The following EPB41L3 variants were observed in gnomAD, a reference collection of about 807,000 sequenced individuals.
EPB41L3 encodes band 4.1-like protein 3.
A neutral mutation model predicts 127.1 loss-of-function variants in EPB41L3; 57 were observed. The ratio of observed to expected loss-of-function variants is 0.45; its 90% CI spans 0.36 to 0.56. EPB41L3 has a LOEUF of 0.56. EPB41L3 is among the 20% of genes least tolerant of loss of function. The probability of loss-of-function intolerance (pLI) is 0.00; values close to 1 mark genes in which losing one functional copy is unlikely to be tolerated. For synonymous variants in EPB41L3, 572 were observed against 549.5 expected (o/e 1.04, Z -0.57); for missense variants, 1,273 against 1,372.2 (o/e 0.93, Z 1.14).
chr18:5,398,890 T>G, intron 16 of EPB41L3: 1 of 399,212 alleles, frequency 2.5e-6, no homozygotes, highest in Non-Finnish European at 4.4e-6. Context: ...TCTTCAGGAC[T>G]CTGCCGGCGA....
intron 13 of EPB41L3, among the ~76,000 whole-genome samples, chr18:5,411,395 G>A (rs975944743): frequency 1.3e-5 from 2 of 152,176 alleles, no homozygotes; most frequent in African/African-American, 4.8e-5. Flanking sequence ...ACAATAGACA[G>A]AGAAAGAGAA....
At position 5,587,546 on chromosome 18, in the gene EPB41L3, G is replaced by A. The variant is rs191940414; in HGVS notation, c.-306+24794C>T. 3.9e-5 allele frequency among the ~76,000 whole-genome samples: 6 copies of A among 152,218 alleles called. No homozygotes were observed. The East Asian group carries it at 1.2e-3, about 29-fold the overall frequency. ...GTTTCAGGCATCCACTGGGGGTCTT[G>A]GAATGCATCCCCCAAGGATAATGGG... is the stretch of plus-strand genomic sequence containing the variant. On this transcript the variant is annotated intron_variant, in intron 3 of 21. Transcript: ENST00000545076.
In EPB41L3 at chr18:5,406,851, G is replaced by T; in HGVS notation, c.2275C>A (p.Leu759Ile). ...TAVTNEWEKRLSTSPVRLAAR... is the reference protein window; with the variant it reads ...TAVTNEWEKRISTSPVRLAAR... ...GCCAGTCGCACGGGGGAGGTGGAAA[G>T]CCTCTTCTCCCATTCATTCGTTACG... is the stretch of plus-strand genomic sequence containing the variant. The change falls in exon 16 of 23, where the codon CTT (leucine) becomes ATT (isoleucine). Residue 759 changes from leucine to isoleucine, a missense_variant. Leu to Ile is a conservative substitution (Grantham distance 5, BLOSUM62 2). Coordinates refer to ENST00000341928, the MANE Select transcript of EPB41L3 (RefSeq NM_012307.5). 6 of 1,614,174 alleles carry T rather than the reference G, an allele frequency of 3.7e-6. No individual in the cohort carries two copies. The highest frequency in any genetic ancestry group is 5.1e-6 in the Non-Finnish European group (6 of 1,180,026).
chr18:5,411,551 G>C (rs765002878), intron 13 of EPB41L3, among the ~76,000 whole-genome samples: 4 of 151,886 alleles, frequency 2.6e-5, no homozygotes, highest in Non-Finnish European at 5.9e-5. Flanking sequence ...GTTTTCTCTC[G>C]AGTAGAGTAG....
intron 3 of EPB41L3, among the ~76,000 whole-genome samples, chr18:5,592,516 G>A (rs2094495498): frequency 6.6e-6 from 1 of 152,206 alleles, no homozygotes; most frequent in South Asian, 2.1e-4. Flanking sequence ...TACACCCTGG[G>A]AATCCTGGCT....
rs571174738 is a variant in EPB41L3 at position 5,392,404 on chromosome 18, T to G, written c.*1081A>C. On this transcript the variant is annotated 3_prime_UTR_variant, in exon 23 of 23. Coordinates refer to ENST00000341928, the MANE Select transcript of EPB41L3 (RefSeq NM_012307.5). ...TTAGAGCTTTCAGTGCATTTGCCAT[T>G]TTTATTTCGCTATGCAGAAACATAC... 6.5e-6 allele frequency: 1 copy of G among 152,776 alleles called. No individual in the cohort carries two copies. The highest frequency in any genetic ancestry group is 1.9e-4 in the East Asian group (1 of 5,188). The allele number at this position is 152,776 out of a possible 1,614,324, so 9.5% of individuals were successfully genotyped here. A position where few individuals can be genotyped will look rare whatever the true frequency, so the allele number is the denominator to read the frequency against.
rs960237079 is a variant in EPB41L3 at position 5,434,015 on chromosome 18, C to T, written c.712G>A (p.Gly238Arg). 3 of 1,614,146 alleles carry T rather than the reference C, an allele frequency of 1.9e-6. No individual in the cohort carries two copies. Among genetic ancestry groups the T allele is most frequent in the Non-Finnish European group, 2.5e-6 (3 of 1,180,028 alleles). The change falls in exon 7 of 23, where the codon GGA becomes AGA. Residue 238 changes from glycine to arginine, a missense_variant. Physicochemically the swap from Gly to Arg is moderately radical, Grantham distance 125. Transcript: ENST00000341928. ...CCACATTCATCTGGGTCATAGTCTC[C>T]GAGCTCTGACTGGACAGTGTAGGAG... is the stretch of plus-strand genomic sequence containing the variant. ...LGSYTVQSEL[G>R]DYDPDECGSD...
intron 5 of EPB41L3, 135 bp downstream of exon 5, chr18:5,443,703 C>T (rs1205091994): frequency 1.4e-5 from 9 of 637,948 alleles, no homozygotes; most frequent in South Asian, 4.7e-5. Context: ...TGAATACTAT[C>T]GGAATTGCCA....
At chr18:5,541,481 A>G (rs1050714466) in intron 1 of EPB41L3, among the ~76,000 whole-genome samples, 2 of 152,112 alleles carry the variant, frequency 1.3e-5, no homozygotes, top group African/African-American at 4.8e-5. Context: ...CACTTAATCT[A>G]ATATACTATA....
intron 3 of EPB41L3, among the ~76,000 whole-genome samples, chr18:5,609,118 G>A (rs2094696493): frequency 6.6e-6 from 1 of 152,184 alleles, no homozygotes; most frequent in Admixed American, 6.5e-5. Flanking sequence ...ACCTCCACCA[G>A]CTAAGACAGT....
intron 3 of EPB41L3, among the ~76,000 whole-genome samples, chr18:5,556,588 T>C (rs773740729): frequency 6.6e-6 from 1 of 152,148 alleles, no homozygotes; most frequent in Admixed American, 6.5e-5. Flanking sequence ...TTAATCTCAT[T>C]AGGAAAGTTA....
intron 1 of EPB41L3, among the ~76,000 whole-genome samples, chr18:5,522,520 C>T (rs144969343): frequency 3.9e-4 from 60 of 152,234 alleles, no homozygotes; most frequent in African/African-American, 1.4e-3. Flanking sequence ...TGTTATTTGT[C>T]ATATAAGGCA....
chr18:5,546,690 A>G (rs2093886479), upstream of EPB41L3, among the ~76,000 whole-genome samples: 1 of 152,098 alleles, frequency 6.6e-6, no homozygotes, highest in Admixed American at 6.6e-5. Context: ...CTCCTCTATT[A>G]TTTTTTTCCC....
At chr18:5,527,205 C>G (rs73383737) in intron 1 of EPB41L3, among the ~76,000 whole-genome samples, 1,616 of 152,192 alleles carry the variant, frequency 0.011, 26 homozygotes, top group African/African-American at 0.037. Context: ...AACCATCACC[C>G]TGAGCAGCAT....
intron 1 of EPB41L3, among the ~76,000 whole-genome samples, chr18:5,523,661 T>G (rs2148841324): frequency 6.6e-6 from 1 of 152,210 alleles, no homozygotes; most frequent in South Asian, 2.1e-4. Flanking sequence ...GGCACATACC[T>G]GTAATCCCAG....
chr18:5,460,043 T>TTCCCTGCTCCTCTC lies in EPB41L3; in HGVS notation c.382-14813_382-14800dup, dbSNP rs2083713106. On this transcript the variant is annotated intron_variant, in intron 3 of 22. Coordinates refer to ENST00000341928, the MANE Select transcript of EPB41L3 (RefSeq NM_012307.5). ...TATCCAATAGGTCATTTTCAGTCCT[T>TTCCCTGCTCCTCTC]TCCCTGCTCCTCTCTCCCTCATTTT... Among the ~76,000 whole-genome samples the TTCCCTGCTCCTCTC allele has an allele frequency of 6.6e-5, 10 of 152,344 alleles. No individual in the cohort carries two copies. In the South Asian group the frequency reaches 2.1e-3, roughly 32 times the overall value.
At chr18:5,560,814 T>C (rs543148688) in intron 3 of EPB41L3, among the ~76,000 whole-genome samples, 12 of 152,260 alleles carry the variant, frequency 7.9e-5, no homozygotes, top group South Asian at 2.1e-4. Context: ...CTACCCTCTG[T>C]GGCTTCCTTA....
At chr18:5,591,066 T>G (rs573428349) in intron 3 of EPB41L3, among the ~76,000 whole-genome samples, 56 of 151,996 alleles carry the variant, frequency 3.7e-4, no homozygotes, top group African/African-American at 1.2e-3. Context: ...AAAAATAAAA[T>G]TAAAAGTAAA....
At chr18:5,587,025 T>C (rs1240824231) in intron 3 of EPB41L3, among the ~76,000 whole-genome samples, 1 of 152,178 alleles carries the variant, frequency 6.6e-6, no homozygotes, top group Non-Finnish European at 1.5e-5. Context: ...ATTACATATT[T>C]TAGTTTGCCA....
Sources: gnomAD v4.1 joint callset for allele counts (sites outside exome capture counted in the v4.1 genomes callset) on GRCh38, gnomAD v4.1.1 for gene constraint, MANE v1.5 for transcripts, NCBI Gene and HGNC (gene_info 2026-07-23, HGNC 2026-07-21) for gene names.